The following ARHGAP8 variants were observed in gnomAD, a reference collection of about 807,000 sequenced individuals.
ARHGAP8 encodes rho GTPase-activating protein 8.
A neutral mutation model predicts 46.1 loss-of-function variants in ARHGAP8; 62 were observed. That is an observed-to-expected ratio of 1.34 (90% CI 1.10 to 1.66). The LOEUF (loss-of-function observed/expected upper bound fraction) is 1.66. Among genes scored for constraint, ARHGAP8 ranks in the 40% most tolerant of loss-of-function variants. The pLI, the probability that ARHGAP8 is intolerant of heterozygous loss-of-function variation, is 0.00. For synonymous variants in ARHGAP8, 375 were observed against 243.1 expected (o/e 1.54, Z -5.05); for missense variants, 923 against 568.4 (o/e 1.62, Z -6.34).
At chr22:44,829,878 T>C (rs1373341591) in intron 7 of ARHGAP8, among the ~76,000 whole-genome samples, 1 of 152,158 alleles carries the variant, frequency 6.6e-6, no homozygotes, top group Admixed American at 6.5e-5. Context: ...GGTCTTTGCT[T>C]GCCATCCCTG....
intron 10 of ARHGAP8, among the ~76,000 whole-genome samples, chr22:44,858,592 C>A (rs6007340): frequency 0.16 from 21,435 of 136,328 alleles, 2,109 homozygotes; most frequent in African/African-American, 0.29. Context: ...GCTGGTCTCG[C>A]ACTCCTGACC....
At chr22:44,787,641 G>A (rs1490460661) in intron 2 of ARHGAP8, among the ~76,000 whole-genome samples, 2 of 152,092 alleles carry the variant, frequency 1.3e-5, no homozygotes, top group South Asian at 2.1e-4. Flanking sequence ...CACCGTGCCC[G>A]GCCTTGCATT....
intron 7 of ARHGAP8, among the ~76,000 whole-genome samples, chr22:44,836,849 C>G (rs1267447670): frequency 6.6e-6 from 1 of 151,926 alleles, no homozygotes; most frequent in Non-Finnish European, 1.5e-5. Context: ...CTCCCTCCCC[C>G]TTCCCTCCTG....
chr22:44,789,963 G>A (rs571282288), intron 2 of ARHGAP8, among the ~76,000 whole-genome samples: 62 of 152,298 alleles, frequency 4.1e-4, no homozygotes, highest in Non-Finnish European at 6.9e-4. Flanking sequence ...CACAGAAAGT[G>A]CATCTGTTAC....
chr22:44,830,590 G>A (rs2081922815), intron 7 of ARHGAP8, among the ~76,000 whole-genome samples: 1 of 152,008 alleles, frequency 6.6e-6, no homozygotes, highest in South Asian at 2.1e-4. Flanking sequence ...AGGCTGGAGT[G>A]CAATGACACG....
intron 7 of ARHGAP8, among the ~76,000 whole-genome samples, chr22:44,839,705 G>A (rs1275491573): frequency 1.3e-5 from 2 of 152,190 alleles, no homozygotes; most frequent in South Asian, 2.1e-4. Flanking sequence ...CGATACACAC[G>A]TGGAGGAAAG....
intron 5 of ARHGAP8, among the ~76,000 whole-genome samples, chr22:44,822,081 T>A (rs1269648926): frequency 1.3e-5 from 2 of 152,176 alleles, no homozygotes; most frequent in African/African-American, 4.8e-5. Context: ...TTCCGCGCTA[T>A]CTCCTATATG....
intron 10 of ARHGAP8, chr22:44,850,753 A>G (rs5765054): frequency 0.35 from 53,492 of 151,760 alleles, 11,033 homozygotes; most frequent in African/African-American, 0.58. Flanking sequence ...ATCACTTGTC[A>G]TAGGAGTTCA....
intron 1 of ARHGAP8, among the ~76,000 whole-genome samples, chr22:44,777,953 C>T (rs928055648): frequency 6.6e-6 from 1 of 152,126 alleles, no homozygotes; most frequent in Non-Finnish European, 1.5e-5. Flanking sequence ...GCCTCAGCCT[C>T]CCAAAGTGCT....
At chr22:44,796,951 CG>C (rs1746070634) in intron 2 of ARHGAP8, among the ~76,000 whole-genome samples, 1 of 152,162 alleles carries the variant, frequency 6.6e-6, no homozygotes. Flanking sequence ...AGATACAAGC[CG>C]TTGCAGACAT....
intron 4 of ARHGAP8, among the ~76,000 whole-genome samples, chr22:44,811,990 C>G (rs1360874458): frequency 1.7e-5 from 2 of 116,042 alleles, no homozygotes; most frequent in African/African-American, 3.9e-5. Context: ...GAGTGAAACT[C>G]TGTTTCAAAA....
chr22:44,858,413 G>A (rs1481378823), intron 10 of ARHGAP8, among the ~76,000 whole-genome samples: 1 of 150,996 alleles, frequency 6.6e-6, no homozygotes, highest in Non-Finnish European at 1.5e-5. Context: ...TGTTGCCCAG[G>A]CTGGAGTGCA....
rs558493087 is a variant in ARHGAP8, at chr22:44,838,161, G to A, written c.597-7108G>A. Among the ~76,000 whole-genome samples the A allele has an allele frequency of 2.6e-4, 36 of 140,842 alleles. No homozygotes were observed. In the East Asian group the frequency reaches 5.0e-3, roughly 20 times the overall value. The allele number at this position is 140,842 out of a possible 152,430, so 92.4% of individuals were successfully genotyped here. A position where few individuals can be genotyped will look rare whatever the true frequency, so the allele number is the denominator to read the frequency against. On this transcript the variant is annotated intron_variant, in intron 7 of 11. Transcript: ENST00000356099. ...GCTAATTTTTTTTTTTTTTGAAGAC[G>A]GAGTCTTGCTCTGTTGCCCAGGCTG...
At position 44,758,018 on chromosome 22, in the gene ARHGAP8, T is replaced by G. The variant is rs147102157; in HGVS notation, c.-72+5391T>G. Among the ~76,000 whole-genome samples the G allele has an allele frequency of 9.0e-4, 137 of 152,190 alleles. 1 individual carries two copies. The highest frequency in any genetic ancestry group is 3.1e-3 in the African/African-American group (129 of 41,542). On this transcript the variant is annotated intron_variant, in intron 1 of 11. Transcript: ENST00000356099. Reference sequence around the variant, plus strand: ...AGAGGTACAGAGGGGGATCCCTGGATGGGGTCACAGAGGGAGTCGGAACAG... The same window carrying G: ...AGAGGTACAGAGGGGGATCCCTGGAGGGGGTCACAGAGGGAGTCGGAACAG...
intron 11 of ARHGAP8, among the ~76,000 whole-genome samples, chr22:44,861,101 A>C (rs376007230): frequency 8.5e-4 from 130 of 152,228 alleles, no homozygotes; most frequent in African/African-American, 2.9e-3. Context: ...CCTCCCACGT[A>C]GCTGGGATTA....
chr22:44,835,874 G>A (rs778263867), intron 7 of ARHGAP8, among the ~76,000 whole-genome samples: 9 of 152,036 alleles, frequency 5.9e-5, no homozygotes, highest in Non-Finnish European at 1.3e-4. Context: ...CTTTTTTCCT[G>A]TGTGCGTAGG....
At chr22:44,827,381 C>T (rs1293032897) in intron 7 of ARHGAP8, among the ~76,000 whole-genome samples, 3 of 109,514 alleles carry the variant, frequency 2.7e-5, no homozygotes, top group African/African-American at 1.0e-4. Context: ...CTCGCTCTGT[C>T]CCCCAGGCTG....
At chr22:44,847,556 G>T (rs1361015270) in intron 8 of ARHGAP8, among the ~76,000 whole-genome samples, 1 of 152,238 alleles carries the variant, frequency 6.6e-6, no homozygotes, top group Non-Finnish European at 1.5e-5. Context: ...CCTAGCTCTT[G>T]TGGGAAGTCA....
chr22:44,816,796 CCT>C (rs1236487374), intron 5 of ARHGAP8, among the ~76,000 whole-genome samples: 5 of 137,466 alleles, frequency 3.6e-5, no homozygotes, highest in Non-Finnish European at 6.0e-5. Context: ...CAAGCAAGAC[CCT>C]GTCTCAAAAA....
Sources: allele counts gnomAD v4.1 joint callset (sites outside exome capture counted in the v4.1 genomes callset), GRCh38; gene constraint gnomAD v4.1.1; transcripts MANE v1.5; gene names NCBI Gene and HGNC (gene_info 2026-07-23, HGNC 2026-07-21).